The following PTTG1IP variants were observed in gnomAD, a reference collection of about 807,000 sequenced individuals.
PTTG1IP encodes the protein PTTG1 interacting protein, also known as pituitary tumor-transforming gene 1 protein-interacting protein.
PTTG1IP carries 16 observed loss-of-function variants against 24.4 expected under a neutral mutation model. That is an observed-to-expected ratio of 0.66 (90% CI 0.44 to 1.00). The LOEUF (loss-of-function observed/expected upper bound fraction) is 1.00. Ranked by LOEUF, PTTG1IP falls within the 50% of genes least tolerant of loss-of-function variation. The pLI, the probability that PTTG1IP is intolerant of heterozygous loss-of-function variation, is 0.00. For missense variants in PTTG1IP, 241 were observed against 245.8 expected, an observed-to-expected ratio of 0.98 and a Z score of 0.13; for synonymous variants, 89 against 96.8, an observed-to-expected ratio of 0.92 and a Z score of 0.47.
At position 44,852,190 on chromosome 21, in the gene PTTG1IP, A is replaced by AT. The variant is rs530857525; in HGVS notation, c.497-564dup. ...CACACTCTCTCTCCCTTTATTTTTT[A>AT]TTTTTTTTTGAGACAGAGTTTTGCT... On this transcript the variant is annotated intron_variant, in intron 5 of 5. Transcript: ENST00000330938. Among the ~76,000 whole-genome samples the AT allele has an allele frequency of 7.1e-3, 1,069 of 150,548 alleles. 3 individuals are homozygous for AT. Among genetic ancestry groups the AT allele is most frequent in the Non-Finnish European group, 9.9e-3 (672 of 67,570 alleles).
At chr21:44,869,061 A>G (rs1395761828) in intron 1 of PTTG1IP, among the ~76,000 whole-genome samples, 1 of 152,180 alleles carries the variant, frequency 6.6e-6, no homozygotes, top group Non-Finnish European at 1.5e-5. Flanking sequence ...GCCAAAGCGC[A>G]CCTGAATCGA....
chr21:44,873,393 G>A, intron 1 of PTTG1IP, 109 bp downstream of exon 1: 5 of 1,091,676 alleles, frequency 4.6e-6, no homozygotes, highest in Non-Finnish European at 5.7e-6. Flanking sequence ...CGTGGGCCCA[G>A]GCCGCCCGCC....
At chr21:44,866,668 C>A (rs1257606548) in intron 1 of PTTG1IP, among the ~76,000 whole-genome samples, 1 of 135,714 alleles carries the variant, frequency 7.4e-6, no homozygotes, top group East Asian at 2.0e-4. Context: ...AGACTGCCTA[C>A]TCCAATCCCA....
intron 2 of PTTG1IP, among the ~76,000 whole-genome samples, chr21:44,862,584 A>G (rs1355579159): frequency 6.6e-6 from 1 of 152,206 alleles, no homozygotes; most frequent in Non-Finnish European, 1.5e-5. Flanking sequence ...TCCAGACCCA[A>G]GTCCAGACTG....
intron 1 of PTTG1IP, among the ~76,000 whole-genome samples, chr21:44,868,821 A>C (rs573051389): frequency 6.6e-6 from 1 of 152,350 alleles, no homozygotes; most frequent in African/African-American, 2.4e-5. Context: ...TGCCAAGTCC[A>C]CTGGGTCTGC....
chr21:44,869,636 G>A (rs748472232), intron 1 of PTTG1IP, among the ~76,000 whole-genome samples: 147 of 152,300 alleles, frequency 9.7e-4, no homozygotes, highest in Non-Finnish European at 1.7e-3. Flanking sequence ...ACAAACAATT[G>A]TATTATAAAT....
chr21:44,859,250 T>C (rs902541168), intron 3 of PTTG1IP, among the ~76,000 whole-genome samples: 1 of 152,238 alleles, frequency 6.6e-6, no homozygotes, highest in Non-Finnish European at 1.5e-5. Flanking sequence ...TAATCTGTGG[T>C]GACGGGAAGT....
chr21:44,859,421 C>T (rs148980970), intron 3 of PTTG1IP, among the ~76,000 whole-genome samples: 328 of 151,444 alleles, frequency 2.2e-3, no homozygotes, highest in African/African-American at 7.6e-3. Flanking sequence ...GGCTATAAGC[C>T]GCGGTCCATG....
intron 1 of PTTG1IP, among the ~76,000 whole-genome samples, chr21:44,866,202 A>G (rs1168819991): frequency 3.0e-5 from 4 of 132,984 alleles, no homozygotes; most frequent in Admixed American, 1.7e-4. Context: ...TACTCCCCCA[A>G]TCCTGTAACA....
chr21:44,860,517 G>C (rs972149605), intron 3 of PTTG1IP, among the ~76,000 whole-genome samples: 2 of 152,162 alleles, frequency 1.3e-5, no homozygotes, highest in Non-Finnish European at 2.9e-5. Context: ...GAAAACTGGA[G>C]ATTCTAGGGG....
intron 1 of PTTG1IP, among the ~76,000 whole-genome samples, chr21:44,869,324 G>A (rs549869897): frequency 1.3e-5 from 2 of 152,198 alleles, no homozygotes; most frequent in South Asian, 2.1e-4. Context: ...ATAAATTTCA[G>A]TTATGAAGAA....
intron 1 of PTTG1IP, 43 bp downstream of exon 1, chr21:44,873,456 AGCC>A: frequency 7.6e-7 from 1 of 1,320,330 alleles, no homozygotes; most frequent in Non-Finnish European, 9.6e-7. Context: ...TGGACCCACC[AGCC>A]GCCCCGCCCC....
chr21:44,853,724 G>C (rs370995595), intron 5 of PTTG1IP, among the ~76,000 whole-genome samples: 5 of 149,454 alleles, frequency 3.3e-5, no homozygotes, highest in Admixed American at 3.3e-4. Flanking sequence ...CACACACCGG[G>C]AAACAACAGG....
At chr21:44,866,819 G>A (rs2083545481) in intron 1 of PTTG1IP, among the ~76,000 whole-genome samples, 1 of 152,202 alleles carries the variant, frequency 6.6e-6, no homozygotes, top group Admixed American at 6.5e-5. Flanking sequence ...TAAAATTAAA[G>A]AGAATGACAA....
intron 4 of PTTG1IP, among the ~76,000 whole-genome samples, chr21:44,855,577 T>C (rs2083443207): frequency 6.6e-6 from 1 of 152,230 alleles, no homozygotes. Context: ...GTAAAAATCA[T>C]ACACCAGGTT....
chr21:44,853,641 G>A (rs905075880), intron 5 of PTTG1IP, among the ~76,000 whole-genome samples: 3 of 152,218 alleles, frequency 2.0e-5, no homozygotes, highest in Admixed American at 1.3e-4. Context: ...GCATGCACTC[G>A]CTGAGGAGGG....
chr21:44,854,120 G>A (rs796540705), intron 5 of PTTG1IP, among the ~76,000 whole-genome samples: 2 of 152,276 alleles, frequency 1.3e-5, no homozygotes, highest in East Asian at 1.9e-4. Flanking sequence ...TGACGGAGGC[G>A]CCGCTCACAG....
intron 1 of PTTG1IP, among the ~76,000 whole-genome samples, chr21:44,868,280 C>A (rs1436003821): frequency 6.6e-6 from 1 of 152,160 alleles, no homozygotes; most frequent in Non-Finnish European, 1.5e-5. Flanking sequence ...TGGGCAAAGA[C>A]CCCCGTGGTG....
At chr21:44,855,166 A>G in intron 5 of PTTG1IP, 44 bp downstream of exon 5, 1 of 1,562,954 alleles carries the variant, frequency 6.4e-7, no homozygotes, top group African/African-American at 1.4e-5. Flanking sequence ...ACAGCGTGCC[A>G]TCGCCTCCCA....
Sources: gnomAD v4.1 joint callset for allele counts (sites outside exome capture counted in the v4.1 genomes callset) on GRCh38, gnomAD v4.1.1 for gene constraint, MANE v1.5 for transcripts, NCBI Gene and HGNC (gene_info 2026-07-23, HGNC 2026-07-21) for gene names.